Variants in NEDD4L observed in about 807,000 individuals in gnomAD.
NEDD4L encodes the protein E3 ubiquitin-protein ligase NEDD4-like.
In NEDD4L, 54 loss-of-function variants were observed where a neutral mutation model predicts 148.9. The ratio of observed to expected loss-of-function variants is 0.36; its 90% CI spans 0.29 to 0.45. NEDD4L has a LOEUF of 0.45. NEDD4L is among the 20% of genes least tolerant of loss of function. NEDD4L has a pLI of 1.00. For missense variants in NEDD4L, 856 were observed against 1,233.8 expected, an observed-to-expected ratio of 0.69 and a Z score of 4.59; for synonymous variants, 433 against 440.7, an observed-to-expected ratio of 0.98 and a Z score of 0.22.
At chr18:58,131,119 A>C (rs71355680) in intron 1 of NEDD4L, among the ~76,000 whole-genome samples, 3 of 124,306 alleles carry the variant, frequency 2.4e-5, no homozygotes, top group Non-Finnish European at 4.9e-5. Context: ...GAACTGTGGC[A>C]GTGTTGGGCT....
intron 22 of NEDD4L, 21 bp from the exon 23 acceptor site, chr18:58,370,376 C>G: frequency 6.6e-7 from 1 of 1,522,794 alleles, no homozygotes; most frequent in Non-Finnish European, 9.1e-7. Flanking sequence ...GAAACTAAAC[C>G]CAGTGTTTAC....
chr18:58,335,500 C>T lies in NEDD4L; in HGVS notation c.1088C>T (p.Ala363Val), dbSNP rs200565814. ...CAGCCCAGTGCCCCAGCTGGGAGAG[C>T]GCGTTCATCAACTGTCACGGGTGGT... is the stretch of plus-strand genomic sequence containing the variant. The part of the protein sequence containing the change: ...LPPPSAPAGR[A>V]RSSTVTGGEE... The change falls in exon 13 of 31, where the codon GCG becomes GTG. Residue 363 changes from alanine to valine, a missense_variant. Coordinates refer to ENST00000400345, the MANE Select transcript of NEDD4L (RefSeq NM_001144967.3). 1.2e-4 allele frequency: 201 copies of T among 1,613,684 alleles called. 1 individual carries two copies. In the Middle Eastern group the frequency reaches 1.8e-3, roughly 15 times the overall value.
chr18:58,364,373 A>G (rs368627610), intron 20 of NEDD4L, 40 bp downstream of exon 20: 73 of 1,302,824 alleles, frequency 5.6e-5, no homozygotes, highest in Non-Finnish European at 6.7e-5. Flanking sequence ...TGTGTTAGTC[A>G]TTTGTAAGTT....
chr18:58,058,513 CTCTTTGATACAAAA>C (rs2082187756), intron 1 of NEDD4L, among the ~76,000 whole-genome samples: 1 of 152,214 alleles, frequency 6.6e-6, no homozygotes, highest in Admixed American at 6.5e-5. Flanking sequence ...AGCGCATCTT[CTCTTTGATACAAAA>C]TCTTTGATAG....
intron 16 of NEDD4L, among the ~76,000 whole-genome samples, chr18:58,346,312 G>A (rs914969095): frequency 2.0e-5 from 3 of 152,172 alleles, no homozygotes; most frequent in Admixed American, 1.3e-4. Flanking sequence ...ATGCTTATTG[G>A]AGCATTTCAG....
intron 1 of NEDD4L, among the ~76,000 whole-genome samples, chr18:58,093,641 C>A (rs747927850): frequency 6.6e-5 from 10 of 152,232 alleles, no homozygotes; most frequent in Middle Eastern, 6.8e-3. Flanking sequence ...AAGTGCGATA[C>A]AGTTGGTGGT....
chr18:58,240,586 C>G (rs1017506337), intron 2 of NEDD4L, among the ~76,000 whole-genome samples: 3 of 152,158 alleles, frequency 2.0e-5, no homozygotes, highest in Non-Finnish European at 4.4e-5. Flanking sequence ...ACCCACCTAC[C>G]TGCTACATTC....
chr18:58,104,144 G>A (rs2084931053), intron 1 of NEDD4L, among the ~76,000 whole-genome samples: 2 of 152,190 alleles, frequency 1.3e-5, no homozygotes, highest in South Asian at 4.1e-4. Context: ...AAGGGACGAA[G>A]TACTGATACC....
chr18:58,316,150 C>A, intron 6 of NEDD4L, 118 bp downstream of exon 6: 1 of 834,796 alleles, frequency 1.2e-6, no homozygotes, highest in Non-Finnish European at 2.0e-6. Flanking sequence ...TGAAATGAAG[C>A]ACGTGTGCTG....
At chr18:58,280,893 A>G (rs1226920340) in intron 5 of NEDD4L, among the ~76,000 whole-genome samples, 1 of 152,216 alleles carries the variant, frequency 6.6e-6, no homozygotes, top group Non-Finnish European at 1.5e-5. Flanking sequence ...AGATTAATCA[A>G]CAAAATGACT....
intron 2 of NEDD4L, among the ~76,000 whole-genome samples, chr18:58,210,765 T>C (rs1007716097): frequency 2.2e-4 from 33 of 152,330 alleles, no homozygotes; most frequent in African/African-American, 7.5e-4. Context: ...AAAATTTTAA[T>C]TTAAAAATCT....
Position 58,401,376 on chromosome 18 carries a change from G to A in NEDD4L, c.*5107G>A, listed in dbSNP as rs2050834150. The A allele has an allele frequency of 6.6e-6, 1 of 152,150 alleles. No homozygotes were observed. Among genetic ancestry groups the A allele is most frequent in the South Asian group, 2.1e-4 (1 of 4,832 alleles). The allele number at this position is 152,150 out of a possible 1,614,324, so 9.4% of individuals were successfully genotyped here. ...GATACACACAGGAAGTTTTCTTGAA[G>A]AACAATCCTTTCGCTTTTCTTTTTT... On this transcript the variant is annotated 3_prime_UTR_variant, in exon 31 of 31. Transcript: ENST00000400345.
chr18:58,339,138 T>C (rs1236410052), intron 13 of NEDD4L, among the ~76,000 whole-genome samples: 1 of 125,654 alleles, frequency 8.0e-6, no homozygotes, highest in Non-Finnish European at 1.7e-5. Context: ...TGGGGAGTTA[T>C]GGGAGGGAAG....
At position 58,330,889 on chromosome 18, in the gene NEDD4L, A is replaced by G. The variant is rs749019037; in HGVS notation, c.965A>G (p.Asn322Ser). 65 of 1,613,892 alleles carry G rather than the reference A, an allele frequency of 4.0e-5. No individual in the cohort carries two copies. The highest frequency in any genetic ancestry group is 2.0e-4 in the African/African-American group (15 of 75,052). ...AGGCTTCAGATCACTCCAGACTCCA[A>G]TGGGGAACAGTTCAGCTCTTTGATT... ...SRRLQITPDS[N>S]GEQFSSLIQR... Residue 322 changes from asparagine to serine, a missense_variant, in exon 11 of 31, where the codon AAT (asparagine) becomes AGT (serine). Transcript: ENST00000400345.
chr18:58,228,711 T>TCAGGGAGG (rs2044678289), intron 2 of NEDD4L, among the ~76,000 whole-genome samples: 1 of 152,178 alleles, frequency 6.6e-6, no homozygotes, highest in Non-Finnish European at 1.5e-5. Flanking sequence ...CCTTTAATAG[T>TCAGGGAGG]CAGGGAGGTC....
chr18:58,184,125 C>T (rs1324165428), intron 2 of NEDD4L, among the ~76,000 whole-genome samples: 7 of 152,104 alleles, frequency 4.6e-5, no homozygotes, highest in Non-Finnish European at 7.4e-5. Flanking sequence ...CCCGAGATCG[C>T]GCCCCATTAC....
At chr18:58,354,195 A>C (rs1245302148) in intron 18 of NEDD4L, among the ~76,000 whole-genome samples, 1 of 152,212 alleles carries the variant, frequency 6.6e-6, no homozygotes, top group Admixed American at 6.5e-5. Flanking sequence ...GAATGATGTC[A>C]TTCTTCTTAA....
chr18:58,060,597 CA>C (rs1464250090), intron 1 of NEDD4L, among the ~76,000 whole-genome samples: 1 of 151,454 alleles, frequency 6.6e-6, no homozygotes, highest in Non-Finnish European at 1.5e-5. Flanking sequence ...TGATTAGGTA[CA>C]AAAAAAGGGA....
intron 1 of NEDD4L, among the ~76,000 whole-genome samples, chr18:58,067,653 T>C (rs1165445790): frequency 1.3e-5 from 2 of 152,148 alleles, no homozygotes; most frequent in African/African-American, 4.8e-5. Flanking sequence ...TTGCCACACT[T>C]TTAGTGCTCC....
Sources: gnomAD v4.1 joint callset for allele counts (sites outside exome capture counted in the v4.1 genomes callset) on GRCh38, gnomAD v4.1.1 for gene constraint, MANE v1.5 for transcripts, NCBI Gene and HGNC (gene_info 2026-07-23, HGNC 2026-07-21) for gene names.